WWOX: variants seen among roughly 807,000 people sequenced by gnomAD.
WWOX encodes WW domain containing oxidoreductase, also known as WW domain-containing oxidoreductase.
Under a neutral mutation model 46.2 loss-of-function variants are expected in WWOX, and 69 were observed. The ratio of observed to expected loss-of-function variants is 1.49; its 90% CI spans 1.23 to 1.82. WWOX has a LOEUF of 1.82. WWOX is among the 40% of genes most tolerant of loss of function. The probability of loss-of-function intolerance (pLI) is 0.00; values close to 1 mark genes in which losing one functional copy is unlikely to be tolerated. For missense variants in WWOX, 919 were observed against 542.6 expected, an observed-to-expected ratio of 1.69 and a Z score of -6.89; for synonymous variants, 359 against 202.6, an observed-to-expected ratio of 1.77 and a Z score of -6.56.
chr16:78,123,115 C>T (rs2151685668), intron 4 of WWOX: 1 of 152,226 alleles, frequency 6.6e-6, no homozygotes, highest in Non-Finnish European at 1.5e-5. Flanking sequence ...TTCTAATTCT[C>T]TGTGATGAAG....
chr16:78,457,976 C>G (rs2083862491), intron 8 of WWOX, among the ~76,000 whole-genome samples: 1 of 149,868 alleles, frequency 6.7e-6, no homozygotes, highest in East Asian at 1.9e-4. Context: ...TATCCAGAGG[C>G]TGAGGCACCA....
intron 8 of WWOX, among the ~76,000 whole-genome samples, chr16:79,083,904 C>A (rs1453484911): frequency 6.6e-6 from 1 of 152,198 alleles, no homozygotes; most frequent in African/African-American, 2.4e-5. Context: ...TCTTCATCTT[C>A]CTGCGGTGGG....
intron 8 of WWOX, among the ~76,000 whole-genome samples, chr16:78,958,305 T>G (rs539148749): frequency 2.0e-5 from 3 of 152,274 alleles, no homozygotes; most frequent in South Asian, 2.1e-4. Context: ...AAAATAACAT[T>G]TACTCTATTA....
intron 8 of WWOX, among the ~76,000 whole-genome samples, chr16:78,967,330 C>A (rs1190912309): frequency 2.4e-5 from 3 of 126,340 alleles, no homozygotes; most frequent in African/African-American, 8.8e-5. Context: ...CACTCTGTCA[C>A]CCAGGCTGGA....
intron 8 of WWOX, among the ~76,000 whole-genome samples, chr16:79,080,706 C>T (rs895412280): frequency 2.6e-5 from 4 of 152,152 alleles, no homozygotes; most frequent in African/African-American, 9.7e-5. Context: ...GTGGCTCATA[C>T]CTGTAATCCC....
intron 5 of WWOX, among the ~76,000 whole-genome samples, chr16:78,365,041 G>A (rs1033885146): frequency 6.6e-6 from 1 of 152,170 alleles, no homozygotes; most frequent in Non-Finnish European, 1.5e-5. Flanking sequence ...TTTGGGGCCG[G>A]TTAGACTTGG....
At chr16:78,187,642 G>A (rs753754654) in intron 5 of WWOX, among the ~76,000 whole-genome samples, 3 of 152,146 alleles carry the variant, frequency 2.0e-5, no homozygotes, top group African/African-American at 7.2e-5. Context: ...ACGCAAAGGA[G>A]CTCAGTCTTT....
chr16:78,186,519 T>A (rs995769844), intron 5 of WWOX, among the ~76,000 whole-genome samples: 1 of 152,228 alleles, frequency 6.6e-6, no homozygotes, highest in Admixed American at 6.5e-5. Flanking sequence ...ATGTCAGCAC[T>A]TTGGGAGGCT....
At chr16:78,950,197 C>T (rs941839281) in intron 8 of WWOX, among the ~76,000 whole-genome samples, 5 of 152,142 alleles carry the variant, frequency 3.3e-5, no homozygotes, top group Admixed American at 6.6e-5. Context: ...ATGTCTAATC[C>T]ATCCTTTTCC....
At chr16:78,968,881 C>G (rs1007885554) in intron 8 of WWOX, among the ~76,000 whole-genome samples, 2 of 151,424 alleles carry the variant, frequency 1.3e-5, no homozygotes, top group Non-Finnish European at 2.9e-5. Context: ...GAATGTTTGT[C>G]ACATAATACT....
intron 8 of WWOX, among the ~76,000 whole-genome samples, chr16:79,079,791 T>C (rs562540042): frequency 9.8e-5 from 15 of 152,328 alleles, no homozygotes; most frequent in Non-Finnish European, 1.5e-4. Context: ...TCTGCAAGCA[T>C]GTATCTTTGG....
At chr16:78,894,936 C>T (rs755865380) in intron 8 of WWOX, among the ~76,000 whole-genome samples, 35 of 152,106 alleles carry the variant, frequency 2.3e-4, no homozygotes, top group Non-Finnish European at 4.1e-4. Flanking sequence ...ATTCTTATTA[C>T]GATAGTTCCA....
chr16:78,947,757 T>C (rs766564641), intron 8 of WWOX, among the ~76,000 whole-genome samples: 19 of 152,166 alleles, frequency 1.2e-4, no homozygotes, highest in Non-Finnish European at 4.4e-5. Context: ...TTATAACCAT[T>C]TTCACCTCTT....
intron 4 of WWOX, among the ~76,000 whole-genome samples, chr16:78,120,902 A>C (rs2033062045): frequency 6.6e-6 from 1 of 152,120 alleles, no homozygotes. Flanking sequence ...AGCTTCCTTT[A>C]CACCTTTGCT....
At chr16:78,920,842 C>T (rs116698720) in intron 8 of WWOX, among the ~76,000 whole-genome samples, 2,816 of 152,238 alleles carry the variant, frequency 0.018, 98 homozygotes, top group African/African-American at 0.064. Flanking sequence ...GTGAGGAAGG[C>T]CAGGGACTTG....
chr16:78,526,777 C>G (rs2043480237), intron 8 of WWOX, among the ~76,000 whole-genome samples: 2 of 152,166 alleles, frequency 1.3e-5, no homozygotes, highest in Admixed American at 6.5e-5. Flanking sequence ...GGCAGTGGGT[C>G]TCTCCTGCTT....
chr16:78,464,363 G>A (rs1567588), intron 8 of WWOX, among the ~76,000 whole-genome samples: 4,953 of 151,860 alleles, frequency 0.033, 193 homozygotes, highest in South Asian at 0.19. Context: ...GGAAGAGAGG[G>A]AAGGAGGCAC....
At chr16:78,451,228 G>C (rs962008814) in intron 8 of WWOX, among the ~76,000 whole-genome samples, 1 of 152,068 alleles carries the variant, frequency 6.6e-6, no homozygotes, top group African/African-American at 2.4e-5. Context: ...ACCAGGGATG[G>C]GTCCTCATGT....
At chr16:78,590,037 A>G (rs978282142) in intron 8 of WWOX, among the ~76,000 whole-genome samples, 10 of 152,154 alleles carry the variant, frequency 6.6e-5, no homozygotes, top group African/African-American at 2.2e-4. Context: ...GCACTGTGAT[A>G]AGTCCTAGGA....
Sources: gnomAD v4.1 joint callset for allele counts (sites outside exome capture counted in the v4.1 genomes callset) on GRCh38, gnomAD v4.1.1 for gene constraint, MANE v1.5 for transcripts, NCBI Gene and HGNC (gene_info 2026-07-23, HGNC 2026-07-21) for gene names.